The following TAFA2 variants were observed in gnomAD, a reference collection of about 807,000 sequenced individuals.
TAFA2 encodes TAFA chemokine like family member 2, also known as chemokine-like protein TAFA-2.
Under a neutral mutation model 18.8 loss-of-function variants are expected in TAFA2, and 7 were observed. The observed-to-expected ratio is 0.37, with a 90% CI of 0.21 to 0.70. The LOEUF (loss-of-function observed/expected upper bound fraction) is 0.70. Ranked by LOEUF, TAFA2 falls within the 30% of genes least tolerant of loss-of-function variation. The probability of loss-of-function intolerance (pLI) is 0.53; values close to 1 mark genes in which losing one functional copy is unlikely to be tolerated. For missense variants in TAFA2, 122 were observed against 158.1 expected, an observed-to-expected ratio of 0.77 and a Z score of 1.23; for synonymous variants, 60 against 54.2, an observed-to-expected ratio of 1.11 and a Z score of -0.47.
intron 4 of TAFA2, among the ~76,000 whole-genome samples, chr12:61,726,178 G>T (rs773282495): frequency 4.7e-4 from 71 of 151,548 alleles, no homozygotes; most frequent in Non-Finnish European, 7.8e-4. Context: ...TTTAAGAGTA[G>T]AATAACTTTT....
intron 1 of TAFA2, among the ~76,000 whole-genome samples, chr12:62,032,108 C>A (rs1881474896): frequency 6.6e-6 from 1 of 152,074 alleles, no homozygotes; most frequent in African/African-American, 2.4e-5. Flanking sequence ...TGGCACAATA[C>A]CAACCTGGAA....
At chr12:62,193,027 C>A (rs1470086656), upstream of TAFA2, among the ~76,000 whole-genome samples, 1 of 152,230 alleles carries the variant, frequency 6.6e-6, no homozygotes, top group Non-Finnish European at 1.5e-5. Context: ...TTAAGCAAAG[C>A]CCTTGCTAAA....
chr12:61,797,242 T>C (rs7397771), intron 2 of TAFA2, among the ~76,000 whole-genome samples: 75,410 of 151,930 alleles, frequency 0.5, 18,838 homozygotes, highest in Admixed American at 0.56. Flanking sequence ...GTAACAATGC[T>C]GAGCATGCCC....
chr12:62,054,961 C>T lies in TAFA2; in HGVS notation c.-2+136298G>A, dbSNP rs1250431875. 3.3e-5 allele frequency among the ~76,000 whole-genome samples: 5 copies of T among 152,178 alleles called. No homozygotes were observed. The East Asian group carries it at 7.7e-4, about 23-fold the overall frequency. On this transcript the variant is annotated intron_variant, in intron 1 of 4. Transcript: ENST00000416284. ...ACATATAGTAGGTTTTTCTAGATCA[C>T]TATTGCTATAGACAATGTTTGTATC... is the stretch of plus-strand genomic sequence containing the variant.
At chr12:61,779,658 A>T (rs151020020) in intron 2 of TAFA2, among the ~76,000 whole-genome samples, 1 of 152,016 alleles carries the variant, frequency 6.6e-6, no homozygotes, top group African/African-American at 2.4e-5. Context: ...AAATCATAGA[A>T]AAGACTAAAA....
At chr12:61,992,686 C>G (rs758431538) in intron 1 of TAFA2, among the ~76,000 whole-genome samples, 34 of 152,182 alleles carry the variant, frequency 2.2e-4, no homozygotes, top group Non-Finnish European at 4.4e-4. Context: ...TAACCTCATT[C>G]ATCACTACTC....
intron 1 of TAFA2, among the ~76,000 whole-genome samples, chr12:62,121,784 C>A (rs1285216287): frequency 6.6e-6 from 1 of 152,096 alleles, no homozygotes; most frequent in Non-Finnish European, 1.5e-5. Context: ...TAGACATAAC[C>A]CCTGTTCTCA....
chr12:61,844,352 T>C (rs1237905114), intron 2 of TAFA2, among the ~76,000 whole-genome samples: 1 of 152,160 alleles, frequency 6.6e-6, no homozygotes, highest in African/African-American at 2.4e-5. Context: ...ATAAATTCAA[T>C]ATTTCAATAC....
intron 1 of TAFA2, among the ~76,000 whole-genome samples, chr12:61,872,980 C>T (rs1874683698): frequency 6.6e-6 from 1 of 152,062 alleles, no homozygotes; most frequent in Non-Finnish European, 1.5e-5. Context: ...TCCTTCTTCC[C>T]ATTAAAATGT....
intron 1 of TAFA2, among the ~76,000 whole-genome samples, chr12:62,105,765 G>A (rs975437638): frequency 1.3e-5 from 2 of 152,162 alleles, no homozygotes; most frequent in African/African-American, 4.8e-5. Context: ...AGCATTAAGA[G>A]GGATGTGTAA....
intron 1 of TAFA2, among the ~76,000 whole-genome samples, chr12:62,217,410 C>A (rs11174376): frequency 6.6e-6 from 1 of 152,038 alleles, no homozygotes; most frequent in Non-Finnish European, 1.5e-5. Flanking sequence ...AAGCTCTCTG[C>A]AGTGCAACTG....
chr12:61,946,522 C>T lies in TAFA2; in HGVS notation c.-1-79096G>A, dbSNP rs1592505917. On this transcript the variant is annotated intron_variant, in intron 1 of 4. Coordinates refer to ENST00000416284, the MANE Select transcript of TAFA2 (RefSeq NM_178539.5). ...AACTACCATCAGAGTGAACAGGCAA[C>T]CTACAACATGGGAGAAAATTTTCGC... Among the ~76,000 whole-genome samples, 7 of 37,438 alleles carry T rather than the reference C, an allele frequency of 1.9e-4. 1 individual carries two copies. The highest frequency in any genetic ancestry group is 5.0e-5 in the Non-Finnish European group (1 of 19,876). The allele number at this position is 37,438 out of a possible 152,430, so 24.6% of individuals were successfully genotyped here.
At chr12:62,014,189 T>C (rs1379845965) in intron 1 of TAFA2, among the ~76,000 whole-genome samples, 1 of 152,192 alleles carries the variant, frequency 6.6e-6, no homozygotes, top group African/African-American at 2.4e-5. Flanking sequence ...ATTATAAAGC[T>C]ACATCCTCAA....
intron 2 of TAFA2, among the ~76,000 whole-genome samples, chr12:61,812,561 T>C (rs978145697): frequency 4.0e-5 from 6 of 150,568 alleles, no homozygotes; most frequent in African/African-American, 1.5e-4. Context: ...AAATTATATA[T>C]GTTCCCATCT....
chr12:61,801,196 A>G (rs1296180639), intron 2 of TAFA2, among the ~76,000 whole-genome samples: 1 of 152,168 alleles, frequency 6.6e-6, no homozygotes, highest in East Asian at 1.9e-4. Flanking sequence ...AGTACTACCC[A>G]TAGCAATCTA....
intron 1 of TAFA2, among the ~76,000 whole-genome samples, chr12:62,130,547 T>G (rs1870640192): frequency 6.6e-6 from 1 of 151,654 alleles, no homozygotes; most frequent in Admixed American, 6.6e-5. Flanking sequence ...AAAATTAGTG[T>G]TCCTTATTAT....
chr12:62,251,538 G>A (rs1229088579), intron 1 of TAFA2, among the ~76,000 whole-genome samples: 5 of 152,182 alleles, frequency 3.3e-5, no homozygotes, highest in Non-Finnish European at 5.9e-5. Context: ...AGGCCCAAGT[G>A]CCCTGAAAGC....
chr12:62,213,822 C>T (rs2062723286), intron 1 of TAFA2, among the ~76,000 whole-genome samples: 4 of 152,268 alleles, frequency 2.6e-5, no homozygotes, highest in Middle Eastern at 3.4e-3. Flanking sequence ...GTAGCCTCAA[C>T]TTGTGAATAA....
At chr12:61,902,908 A>T (rs201675004) in intron 1 of TAFA2, among the ~76,000 whole-genome samples, 1 of 34,090 alleles carries the variant, frequency 2.9e-5, no homozygotes, top group Non-Finnish European at 5.3e-5. Flanking sequence ...AAAAATTTAT[A>T]AGTCACCTGT....
Sources: allele counts gnomAD v4.1 joint callset (sites outside exome capture counted in the v4.1 genomes callset), GRCh38; gene constraint gnomAD v4.1.1; transcripts MANE v1.5; gene names NCBI Gene and HGNC (gene_info 2026-07-23, HGNC 2026-07-21).